The following SPAG1 variants were observed in gnomAD, a reference collection of about 807,000 sequenced individuals.
The protein encoded by SPAG1 is sperm-associated antigen 1.
A neutral mutation model predicts 100.5 loss-of-function variants in SPAG1; 69 were observed. The ratio of observed to expected loss-of-function variants is 0.69; its 90% CI spans 0.57 to 0.84. The LOEUF (loss-of-function observed/expected upper bound fraction) is 0.84, where lower values mean the gene tolerates loss of function less well. SPAG1 is among the 40% of genes least tolerant of loss of function. SPAG1 has a pLI of 0.00. For synonymous variants in SPAG1, 336 were observed against 411.6 expected, an observed-to-expected ratio of 0.82 and a Z score of 2.22; for missense variants, 955 against 1,133.1, an observed-to-expected ratio of 0.84 and a Z score of 2.26.
intron 10 of SPAG1, among the ~76,000 whole-genome samples, chr8:100,204,838 T>A (rs2132323519): frequency 6.6e-6 from 1 of 152,290 alleles, no homozygotes; most frequent in South Asian, 2.1e-4. Flanking sequence ...GTCACTCACC[T>A]ACAAAATTTA....
At position 100,184,635 on chromosome 8, in the gene SPAG1, T is replaced by A; in HGVS notation, c.603T>A (p.Thr201=). Residue 201 remains threonine, a synonymous_variant, in exon 7 of 19, where the codon ACT becomes ACA. Transcript: ENST00000388798. ...IETRIDTAGL[T]EKEKDFLATR... Reference sequence around the variant, plus strand: ...GATAACATTTATTTCTAGGTCTAACTGAGAAAGAAAAGGATTTTCTTGCCA... The same window carrying A: ...GATAACATTTATTTCTAGGTCTAACAGAGAAAGAAAAGGATTTTCTTGCCA... The A allele has an allele frequency of 6.4e-7, 1 of 1,563,162 alleles. No homozygotes were observed. The highest frequency in any genetic ancestry group is 8.6e-7 in the Non-Finnish European group (1 of 1,157,856).
chr8:100,208,332 G>A (rs1214782463), intron 10 of SPAG1, among the ~76,000 whole-genome samples: 1 of 152,196 alleles, frequency 6.6e-6, no homozygotes, highest in Admixed American at 6.5e-5. Context: ...GTAAGTAAGA[G>A]TATGCATGGA....
intron 10 of SPAG1, among the ~76,000 whole-genome samples, chr8:100,200,798 G>C (rs1327099236): frequency 7.1e-6 from 1 of 139,864 alleles, no homozygotes; most frequent in African/African-American, 2.5e-5. Context: ...GGGGTTGTTT[G>C]TTTTTTTCTT....
At position 100,239,246 on chromosome 8, in the gene SPAG1, C is replaced by G; in HGVS notation, c.2122C>G (p.Gln708Glu). The change falls in exon 17 of 19, where the codon CAG (glutamine) becomes GAG (glutamate). Residue 708 changes from glutamine to glutamate, a missense_variant. Gln to Glu is a conservative substitution (Grantham distance 29). Coordinates refer to ENST00000388798, the MANE Select transcript of SPAG1 (RefSeq NM_003114.5). This position sits in a 1 kb window ranked among gnomAD's most constrained non-coding sequence, Gnocchi z 5.0. ...TCTGTCTTCCTACTTACAGAATTAT[C>G]AGAAAAGCTTAATTGATCTCAATAA... Reference protein sequence around the residue: ...ALAHKGLKNYQKSLIDLNKVI... With the variant: ...ALAHKGLKNYEKSLIDLNKVI... 2.0e-6 allele frequency: 3 copies of G among 1,487,078 alleles called. No homozygotes were observed. The highest frequency in any genetic ancestry group is 2.7e-6 in the Non-Finnish European group (3 of 1,115,200). 92.1% of individuals were successfully genotyped at this position (1,487,078 alleles called of 1,614,324 possible).
At chr8:100,238,900 T>A (rs113251603) in intron 16 of SPAG1, among the ~76,000 whole-genome samples, 6 of 152,300 alleles carry the variant, frequency 3.9e-5, no homozygotes, top group African/African-American at 1.4e-4. Flanking sequence ...TGCTAGTAGG[T>A]GCTAATACAA....
At chr8:100,192,519 A>C (rs62532718) in intron 9 of SPAG1, among the ~76,000 whole-genome samples, 8 of 152,094 alleles carry the variant, frequency 5.3e-5, no homozygotes, top group African/African-American at 1.7e-4. Context: ...TCCAGAAAGA[A>C]GGTGGTTTAG....
chr8:100,235,158 G>C (rs1352883506), intron 16 of SPAG1, among the ~76,000 whole-genome samples: 1 of 152,154 alleles, frequency 6.6e-6, no homozygotes, highest in Non-Finnish European at 1.5e-5. Flanking sequence ...CTGGCTTACA[G>C]TTGCTGTCCT....
chr8:100,187,331 C>A, intron 8 of SPAG1, 81 bp downstream of exon 8: 1 of 1,162,320 alleles, frequency 8.6e-7, no homozygotes, highest in Non-Finnish European at 1.2e-6. Context: ...GTAATGTTTA[C>A]ATTAAAAATA....
At chr8:100,178,834 C>T (rs887598633) in intron 4 of SPAG1, among the ~76,000 whole-genome samples, 3 of 152,030 alleles carry the variant, frequency 2.0e-5, no homozygotes, top group Non-Finnish European at 4.4e-5. Context: ...CGGTGGCTCA[C>T]GCCTGTAATC....
intron 4 of SPAG1, among the ~76,000 whole-genome samples, chr8:100,181,129 T>C (rs1416540306): frequency 2.0e-5 from 3 of 152,244 alleles, no homozygotes; most frequent in African/African-American, 7.2e-5. Context: ...AATATCCAAA[T>C]ATAATATTAC....
In SPAG1 at chr8:100,180,103, G is replaced by A. The variant is rs552832082; in HGVS notation, c.426+2162G>A. 7.2e-5 allele frequency among the ~76,000 whole-genome samples: 11 copies of A among 152,302 alleles called. No homozygotes were observed. In the South Asian group the frequency reaches 8.3e-4, roughly 11 times the overall value. ...TTCCAGCACTTTGGGAGGCCAAGGC[G>A]GGTGGATCACTTGAGCCCAGGAGTT... On this transcript the variant is annotated intron_variant, in intron 4 of 18. Transcript: ENST00000388798.
chr8:100,191,267 T>C (rs1722025242), intron 8 of SPAG1, 123 bp from the exon 9 acceptor site: 1 of 627,764 alleles, frequency 1.6e-6, no homozygotes, highest in Non-Finnish European at 2.8e-6. Context: ...AAGGGTGTAG[T>C]TGAGCTTTGG....
At chr8:100,195,339 C>G (rs1055807907) in intron 10 of SPAG1, among the ~76,000 whole-genome samples, 1 of 151,958 alleles carries the variant, frequency 6.6e-6, no homozygotes, top group African/African-American at 2.4e-5. Flanking sequence ...GAGAGAGATA[C>G]AAAATGTTCA....
intron 16 of SPAG1, among the ~76,000 whole-genome samples, chr8:100,238,162 G>C (rs1201517376): frequency 6.6e-6 from 1 of 152,166 alleles, no homozygotes; most frequent in East Asian, 1.9e-4. Flanking sequence ...AGAACGCTTA[G>C]GATATAAATA....
chr8:100,214,015 A>G (rs1165107292), intron 12 of SPAG1, 97 bp downstream of exon 12: 1 of 625,786 alleles, frequency 1.6e-6, no homozygotes, highest in Admixed American at 2.9e-5. Flanking sequence ...TAAGGATCTA[A>G]TTTCTTAAGA....
chr8:100,200,959 A>G (rs1291183390), intron 10 of SPAG1, among the ~76,000 whole-genome samples: 1 of 151,578 alleles, frequency 6.6e-6, no homozygotes, highest in African/African-American at 2.4e-5. Flanking sequence ...TTTTATATGA[A>G]GTCCAATTTT....
intron 10 of SPAG1, among the ~76,000 whole-genome samples, chr8:100,211,923 C>T (rs922676955): frequency 1.3e-5 from 2 of 152,154 alleles, no homozygotes; most frequent in Non-Finnish European, 2.9e-5. Flanking sequence ...TTGTTTCTGC[C>T]GACCCTGACT....
intron 15 of SPAG1, among the ~76,000 whole-genome samples, chr8:100,232,829 G>A (rs769768082): frequency 6.6e-6 from 1 of 152,112 alleles, no homozygotes; most frequent in Non-Finnish European, 1.5e-5. Context: ...AGTGCCCTTC[G>A]TGATCTGGCC....
intron 14 of SPAG1, among the ~76,000 whole-genome samples, chr8:100,225,998 GT>G (rs57004927): frequency 0.014 from 1,872 of 132,102 alleles, 39 homozygotes; most frequent in African/African-American, 0.044. Context: ...ATGCCAGCTA[GT>G]TTTTTTTTTT....
Sources: gnomAD v4.1 joint callset for allele counts (sites outside exome capture counted in the v4.1 genomes callset) on GRCh38, gnomAD v4.1.1 for gene constraint, Gnocchi (gnomAD v3.1) non-coding constraint, MANE v1.5 for transcripts, NCBI Gene and HGNC (gene_info 2026-07-23, HGNC 2026-07-21) for gene names.